The following GALNT9 variants were observed in gnomAD, a reference collection of about 807,000 sequenced individuals.
GALNT9 encodes polypeptide N-acetylgalactosaminyltransferase 9, also known as GalNAc transferase 9.
In GALNT9, 47 loss-of-function variants were observed where a neutral mutation model predicts 63.1. That is an observed-to-expected ratio of 0.75 (90% confidence interval 0.59 to 0.95). The LOEUF (loss-of-function observed/expected upper bound fraction) is 0.95, where lower values mean the gene tolerates loss of function less well. Among genes scored for constraint, GALNT9 ranks in the 40% least tolerant of loss-of-function variants. The probability of loss-of-function intolerance (pLI) is 0.00; values close to 1 mark genes in which losing one functional copy is unlikely to be tolerated. For missense variants in GALNT9, 829 were observed against 874.8 expected, an observed-to-expected ratio of 0.95 and a Z score of 0.66; for synonymous variants, 396 against 365.7, an observed-to-expected ratio of 1.08 and a Z score of -0.94.
At position 132,286,789 on chromosome 12, in the gene GALNT9, C is replaced by G. The variant is rs1455650162; in HGVS notation, c.239-359G>C. ...AGTGCAGTGGCATGATCTCAGCTCA[C>G]TGCAGCCTGGACCTCCCAGGCTCAA... is the stretch of plus-strand genomic sequence containing the variant. On this transcript the variant is annotated intron_variant, in intron 1 of 10. Transcript: ENST00000328957. This position sits in a 1 kb window ranked among gnomAD's most constrained non-coding sequence, Gnocchi z 7.4. Among the ~76,000 whole-genome samples, 1 of 152,200 alleles carries G rather than the reference C, an allele frequency of 6.6e-6. No individual in the cohort carries two copies. The highest frequency in any genetic ancestry group is 1.5e-5 in the Non-Finnish European group (1 of 68,040).
At chr12:132,275,569 C>T (rs1880050809) in intron 2 of GALNT9, 1 of 152,244 alleles carries the variant, frequency 6.6e-6, no homozygotes, top group South Asian at 2.1e-4. Flanking sequence ...GGGACACTTC[C>T]CTCCCTCCCT....
chr12:132,287,590 G>A lies in GALNT9; in HGVS notation c.239-1160C>T, dbSNP rs142390418. 1.3e-3 allele frequency among the ~76,000 whole-genome samples: 198 copies of A among 152,264 alleles called. 1 individual carries two copies. The highest frequency in any genetic ancestry group is 4.2e-3 in the African/African-American group (174 of 41,560). ...GACCTCATCCCGTGTGGCCGCCGGC[G>A]TGAGGTTCAAGAACAGACGGAATCA... On this transcript the variant is annotated intron_variant, in intron 1 of 10. Transcript: ENST00000328957.
intron 6 of GALNT9, among the ~76,000 whole-genome samples, chr12:132,239,721 G>C (rs1555236729): frequency 1.3e-5 from 2 of 152,116 alleles, no homozygotes; most frequent in African/African-American, 4.8e-5. Flanking sequence ...GAGACACAGA[G>C]AGACAAAAAG....
intron 1 of GALNT9, among the ~76,000 whole-genome samples, chr12:132,317,993 C>G (rs1868601145): frequency 6.6e-6 from 1 of 152,210 alleles, no homozygotes; most frequent in Non-Finnish European, 1.5e-5. Flanking sequence ...GCAATCCCAG[C>G]ACTTTGAGAG....
At chr12:132,229,935 T>A (rs1386019885) in intron 6 of GALNT9, among the ~76,000 whole-genome samples, 6 of 152,166 alleles carry the variant, frequency 3.9e-5, no homozygotes, top group East Asian at 1.9e-4. Context: ...GCCACCTCAC[T>A]CTGCTGAACA....
At chr12:132,223,298 C>A (rs1474847977) in intron 6 of GALNT9, among the ~76,000 whole-genome samples, 2 of 96,354 alleles carry the variant, frequency 2.1e-5, no homozygotes, top group East Asian at 2.9e-4. Context: ...ACACAGACAC[C>A]CCACACAACC....
intron 1 of GALNT9, among the ~76,000 whole-genome samples, chr12:132,303,998 G>C (rs185933146): frequency 1.2e-3 from 16 of 13,686 alleles, no homozygotes; most frequent in African/African-American, 1.6e-3. Flanking sequence ...CCCAGACACA[G>C]CCTCACCTGG....
chr12:132,299,349 C>T (rs1555243608), intron 1 of GALNT9, among the ~76,000 whole-genome samples: 2 of 131,856 alleles, frequency 1.5e-5, no homozygotes, highest in African/African-American at 2.9e-5. Context: ...CTGAGATAAC[C>T]CACTCCCATG....
At chr12:132,210,848 G>A (rs887269652) in intron 6 of GALNT9, among the ~76,000 whole-genome samples, 4 of 150,404 alleles carry the variant, frequency 2.7e-5, no homozygotes, top group Admixed American at 1.3e-4. Context: ...TCTGGAGGTC[G>A]CCGTCTGGCG....
chr12:132,217,336 C>G (rs560234151), intron 6 of GALNT9, among the ~76,000 whole-genome samples: 14 of 151,152 alleles, frequency 9.3e-5, no homozygotes, highest in Non-Finnish European at 1.8e-4. Flanking sequence ...CATCCACCCA[C>G]TCATCCATCC....
chr12:132,214,380 C>T (rs943128070), intron 6 of GALNT9, among the ~76,000 whole-genome samples: 4 of 152,226 alleles, frequency 2.6e-5, no homozygotes, highest in African/African-American at 7.2e-5. Flanking sequence ...TCTGGAACCT[C>T]ACTAGCCCGA....
Position 132,247,964 on chromosome 12 carries a change from C to G in GALNT9, c.1023G>C (p.Leu341=). The G allele has an allele frequency of 1.3e-6, 2 of 1,551,578 alleles. No individual in the cohort carries two copies. The highest frequency in any genetic ancestry group is 1.7e-4 in the Middle Eastern group (1 of 5,992). ...CATACACCTCCATGCCGGGGTCCAG[C>G]AGCCCAATGTCTCCGAAGTACTCGC... ...VDREYFGDIG[L]LDPGMEVYGG... is the part of the protein sequence containing the mutation. The change falls in exon 6 of 11, where the codon CTG becomes CTC. Residue 341 remains leucine, a synonymous_variant. Transcript: ENST00000328957.
intron 1 of GALNT9, among the ~76,000 whole-genome samples, chr12:132,288,853 G>T (rs1022394005): frequency 3.0e-4 from 42 of 141,976 alleles, no homozygotes; most frequent in African/African-American, 8.8e-4. Context: ...GATGCCCGGC[G>T]TTGGACCCGG....
intron 1 of GALNT9, among the ~76,000 whole-genome samples, chr12:132,291,571 G>C (rs1201984035): frequency 2.3e-5 from 3 of 132,794 alleles, no homozygotes; most frequent in Non-Finnish European, 4.9e-5. Context: ...CACAACCACA[G>C]CGCCCACGTC....
chr12:132,329,228 AC>A lies in GALNT9; in HGVS notation c.-26del. The A allele has an allele frequency of 6.5e-7, 1 of 1,529,706 alleles. No individual in the cohort carries two copies. 94.8% of individuals were successfully genotyped at this position (1,529,706 alleles called of 1,614,324 possible). A position where few individuals can be genotyped will look rare whatever the true frequency, so the allele number is the denominator to read the frequency against. On this transcript the variant is annotated 5_prime_UTR_variant, in exon 1 of 11. It removes the in-frame stop codon of an upstream open reading frame in the 5' UTR. Transcript: ENST00000328957. ...TGAACACGGCTGCAGCGGGGGCCTCACCCGCGGGGCATCCCCAGCATCCCCG... is the reference window on the plus strand; with the variant it reads ...TGAACACGGCTGCAGCGGGGGCCTCACCGCGGGGCATCCCCAGCATCCCCG...
At chr12:132,276,999 A>T (rs1481589158) in intron 2 of GALNT9, among the ~76,000 whole-genome samples, 1 of 152,128 alleles carries the variant, frequency 6.6e-6, no homozygotes, top group African/African-American at 2.4e-5. Context: ...ACATGTACAC[A>T]CGCAGATACA....
intron 6 of GALNT9, among the ~76,000 whole-genome samples, chr12:132,240,944 C>A (rs2136900246): frequency 2.8e-3 from 269 of 95,832 alleles, no homozygotes; most frequent in African/African-American, 4.8e-3. Context: ...CACGCCACAC[C>A]CCCTTCCCGG....
chr12:132,305,620 C>T (rs1309263044), intron 1 of GALNT9, among the ~76,000 whole-genome samples: 1 of 151,762 alleles, frequency 6.6e-6, no homozygotes, highest in Non-Finnish European at 1.5e-5. Context: ...CACACCCTCA[C>T]CCGGGCACAC....
intron 1 of GALNT9, among the ~76,000 whole-genome samples, chr12:132,320,218 TTTG>T (rs34039899): frequency 6.6e-6 from 1 of 151,702 alleles, no homozygotes; most frequent in African/African-American, 2.4e-5. Context: ...TTTATTTTTA[TTTG>T]TTGTTGTTTA....
Sources: allele counts gnomAD v4.1 joint callset (sites outside exome capture counted in the v4.1 genomes callset), GRCh38; gene constraint gnomAD v4.1.1; non-coding constraint Gnocchi (gnomAD v3.1); transcripts MANE v1.5; gene names NCBI Gene and HGNC (gene_info 2026-07-23, HGNC 2026-07-21).